Variants in NAMPT observed in about 807,000 individuals in gnomAD.
NAMPT encodes NAmPRTase.
A neutral mutation model predicts 58.7 loss-of-function variants in NAMPT; 7 were observed. The observed-to-expected ratio is 0.12, with a 90% CI of 0.07 to 0.22. NAMPT has a LOEUF of 0.22. Ranked by LOEUF, NAMPT falls within the 10% of genes least tolerant of loss-of-function variation. The probability of loss-of-function intolerance (pLI) is 1.00; values close to 1 mark genes in which losing one functional copy is unlikely to be tolerated. For missense variants in NAMPT, 271 were observed against 567.9 expected (o/e 0.48, Z 5.31); for synonymous variants, 145 against 198.1 (o/e 0.73, Z 2.25).
chr7:106,267,067 T>C (rs1187473358), intron 6 of NAMPT, among the ~76,000 whole-genome samples: 1 of 152,228 alleles, frequency 6.6e-6, no homozygotes. Flanking sequence ...AAGCATGCAA[T>C]AAATATTTAC....
chr7:106,276,819 C>T (rs1792655737), intron 2 of NAMPT: 1 of 461,410 alleles, frequency 2.2e-6, no homozygotes, highest in Admixed American at 3.5e-5. Context: ...TCCAGCCTGG[C>T]CAACAAGAGC....
At chr7:106,276,412 A>G (rs1160788768) in intron 2 of NAMPT, 1 of 152,230 alleles carries the variant, frequency 6.6e-6, no homozygotes, top group African/African-American at 2.4e-5. Context: ...TGGCTAATAT[A>G]AAAATATTCT....
At chr7:106,263,676 T>G (rs1248020173) in intron 6 of NAMPT, 59 bp from the exon 7 acceptor site, 1 of 1,234,606 alleles carries the variant, frequency 8.1e-7, no homozygotes, top group Non-Finnish European at 1.2e-6. Flanking sequence ...TATCCCTGAA[T>G]CACCTTTAAT....
chr7:106,285,565 A>T (rs1287825293), upstream of NAMPT: 41 of 985,726 alleles, frequency 4.2e-5, no homozygotes, highest in Non-Finnish European at 4.9e-5. Context: ...TGGATTAAGG[A>T]TCCAGCCTTT....
chr7:106,257,478 AAAAAG>A (rs1350042430), intron 8 of NAMPT, among the ~76,000 whole-genome samples: 1 of 151,418 alleles, frequency 6.6e-6, no homozygotes, highest in Non-Finnish European at 1.5e-5. Flanking sequence ...AAAAAAAAAA[AAAAAG>A]AGTCAGGTGT....
Position 106,270,809 on chromosome 7 carries a change from T to C in NAMPT, c.448-1497A>G, listed in dbSNP as rs138740496. On this transcript the variant is annotated intron_variant, in intron 4 of 10. Coordinates refer to ENST00000222553, the MANE Select transcript of NAMPT (RefSeq NM_005746.3). ...GGCTGAACCCTCAGCTAAATGCAGA[T>C]GCCTAAGTCTAAGCAAGAGCAGCAG... is the stretch of plus-strand genomic sequence containing the variant. 5.1e-4 allele frequency among the ~76,000 whole-genome samples: 78 copies of C among 152,336 alleles called. 1 individual carries two copies. The East Asian group carries it at 6.9e-3, about 14-fold the overall frequency.
intron 8 of NAMPT, among the ~76,000 whole-genome samples, chr7:106,257,255 A>G (rs1217720844): frequency 6.6e-6 from 1 of 152,056 alleles, no homozygotes; most frequent in African/African-American, 2.4e-5. Context: ...GCCAAAGAGT[A>G]TTTATCTCAA....
intron 8 of NAMPT, among the ~76,000 whole-genome samples, chr7:106,254,922 A>G (rs576475760): frequency 2.6e-5 from 4 of 152,338 alleles, no homozygotes; most frequent in African/African-American, 7.2e-5. Context: ...ATCATCACCA[A>G]TAAGTCACAA....
At position 106,272,293 on chromosome 7, in the gene NAMPT, A is replaced by G. The variant is rs369809065; in HGVS notation, c.447+237T>C. On this transcript the variant is annotated intron_variant, in intron 4 of 10. Coordinates refer to ENST00000222553, the MANE Select transcript of NAMPT (RefSeq NM_005746.3). ...TAGATGAAAGCCAACTAGGTTTTAAAAACAATCACTCTCAATAATTTGATT... is the reference window on the plus strand; with the variant it reads ...TAGATGAAAGCCAACTAGGTTTTAAGAACAATCACTCTCAATAATTTGATT... 1.6e-4 allele frequency: 54 copies of G among 345,248 alleles called. 1 individual carries two copies. In the South Asian group the frequency reaches 1.6e-3, roughly 10 times the overall value. The allele number at this position is 345,248 out of a possible 1,614,324, so 21.4% of individuals were successfully genotyped here.
intron 8 of NAMPT, among the ~76,000 whole-genome samples, chr7:106,255,527 C>T (rs901908206): frequency 2.0e-5 from 3 of 151,888 alleles, no homozygotes; most frequent in African/African-American, 7.3e-5. Flanking sequence ...GTTTTCAACA[C>T]TGCAAAGGAA....
intron 8 of NAMPT, among the ~76,000 whole-genome samples, chr7:106,257,855 A>G (rs751540841): frequency 2.0e-5 from 3 of 151,920 alleles, no homozygotes; most frequent in Non-Finnish European, 4.4e-5. Context: ...TGAAACAGAT[A>G]CAGTACCCTG....
intron 7 of NAMPT, 52 bp downstream of exon 7, chr7:106,263,340 G>T: frequency 7.8e-7 from 1 of 1,274,798 alleles, no homozygotes; most frequent in South Asian, 1.2e-5. Flanking sequence ...TAGTATTGAT[G>T]CAGCTGGCCT....
At chr7:106,284,985 C>T (rs1792843490), upstream of NAMPT, 6 of 1,482,808 alleles carry the variant, frequency 4.0e-6, no homozygotes, top group East Asian at 2.6e-5. Flanking sequence ...TAAGTCACTG[C>T]TCGGTCGGCG....
At chr7:106,280,073 T>A (rs1792731953) in intron 1 of NAMPT, among the ~76,000 whole-genome samples, 1 of 152,128 alleles carries the variant, frequency 6.6e-6, no homozygotes, top group African/African-American at 2.4e-5. Context: ...GGGAAGCCAT[T>A]ATGTTTTAAG....
At chr7:106,274,906 G>T in intron 3 of NAMPT, 40 bp downstream of exon 3, 1 of 1,398,044 alleles carries the variant, frequency 7.2e-7, no homozygotes. Flanking sequence ...TGAACTGAAA[G>T]AAAAACCAAA....
At chr7:106,267,872 A>AAAAAAAAAAAAAAAAAAAAAAAAAC (rs1562815992) in intron 6 of NAMPT, among the ~76,000 whole-genome samples, 1 of 136,200 alleles carries the variant, frequency 7.3e-6, no homozygotes, top group African/African-American at 2.9e-5. Context: ...AAAAAAAAAA[A>AAAAAAAAAAAAAAAAAAAAAAAAAC]AAAACAACCT....
chr7:106,266,073 A>G (rs1401692135), intron 6 of NAMPT, among the ~76,000 whole-genome samples: 3 of 152,218 alleles, frequency 2.0e-5, no homozygotes, highest in Non-Finnish European at 2.9e-5. Flanking sequence ...GAACAGAGAG[A>G]TAAGTGACTT....
At chr7:106,285,294 C>A (rs1792856006), upstream of NAMPT, 12 of 687,478 alleles carry the variant, frequency 1.7e-5, no homozygotes, top group Non-Finnish European at 2.2e-5. Context: ...CGGGGCAGCC[C>A]CGGCGCGTGA....
chr7:106,268,295 C>T (rs1792467945), intron 6 of NAMPT, 169 bp downstream of exon 6: 3 of 545,288 alleles, frequency 5.5e-6, no homozygotes, highest in Non-Finnish European at 9.4e-6. Flanking sequence ...ATTTCTCTGC[C>T]TCTCTAAGAC....
Sources: allele counts gnomAD v4.1 joint callset (sites outside exome capture counted in the v4.1 genomes callset), GRCh38; gene constraint gnomAD v4.1.1; transcripts MANE v1.5; gene names NCBI Gene and HGNC (gene_info 2026-07-23, HGNC 2026-07-21).